The following ZC4H2 variants were observed in gnomAD, a reference collection of about 807,000 sequenced individuals.
The protein encoded by ZC4H2 is zinc finger C4H2 domain-containing protein.
For synonymous variants in ZC4H2, 84 were observed against 66.3 expected, an observed-to-expected ratio of 1.27 and a Z score of -1.30; for missense variants, 137 against 173.9, an observed-to-expected ratio of 0.79 and a Z score of 1.19.
chrX:64,926,260 G>T lies in ZC4H2; in HGVS notation c.54-4272C>A, dbSNP rs765976355. ...AAATATAAAAATAAAACCAACTAAA[G>T]TTGGTCTACTCTTTATTACCACCAT... On this transcript the variant is annotated intron_variant, in intron 1 of 4. Transcript: ENST00000374839. Among the ~76,000 whole-genome samples, 14 of 111,779 alleles carry T rather than the reference G, an allele frequency of 1.3e-4. No homozygotes were observed. The South Asian group carries it at 4.9e-3, about 39-fold the overall frequency.
chrX:64,977,319 G>T (rs1931979981), upstream of ZC4H2, among the ~76,000 whole-genome samples: 1 of 110,583 alleles, frequency 9.0e-6, no homozygotes, highest in Non-Finnish European at 1.9e-5. Flanking sequence ...AAGGATGAGT[G>T]GTTCAGAGTG....
intron 1 of ZC4H2, among the ~76,000 whole-genome samples, chrX:64,998,053 G>A (rs1932453482): frequency 8.9e-6 from 1 of 111,767 alleles, no homozygotes; most frequent in African/African-American, 3.3e-5. Context: ...GCACTGAGAA[G>A]GCAATAGAAA....
upstream of ZC4H2, among the ~76,000 whole-genome samples, chrX:64,979,802 A>T (rs1435622530): frequency 9.2e-6 from 1 of 108,490 alleles, no homozygotes; most frequent in East Asian, 2.8e-4. Flanking sequence ...GATTGATTTG[A>T]GGGGTTAGAA....
chrX:64,943,155 T>G (rs969595221), intron 1 of ZC4H2, among the ~76,000 whole-genome samples: 1 of 112,304 alleles, frequency 8.9e-6, no homozygotes, highest in African/African-American at 3.2e-5. Flanking sequence ...TGAATGAGTT[T>G]CTTAATCCTG....
chrX:65,034,336 C>A (rs1932979514), intron 1 of ZC4H2, among the ~76,000 whole-genome samples: 1 of 111,390 alleles, frequency 9.0e-6, no homozygotes. Context: ...GGGAGGTGAC[C>A]CTTAACCACC....
At chrX:64,918,932 T>A in intron 4 of ZC4H2, 110 bp downstream of exon 4, 1 of 999,429 alleles carries the variant, frequency 1.0e-6, no homozygotes, top group South Asian at 2.8e-5. Flanking sequence ...GCAAAGGCCA[T>A]TAAAAGAAGG....
chrX:64,955,554 T>G (rs1484688949), intron 1 of ZC4H2, among the ~76,000 whole-genome samples: 1 of 111,527 alleles, frequency 9.0e-6, no homozygotes, highest in Non-Finnish European at 1.9e-5. Context: ...CTCTTGGAAC[T>G]GTACACCCAG....
At chrX:64,935,777 A>G (rs1196328923) in intron 1 of ZC4H2, among the ~76,000 whole-genome samples, 2 of 110,642 alleles carry the variant, frequency 1.8e-5, no homozygotes, top group Admixed American at 9.6e-5. Context: ...GGAATAACAC[A>G]TCCACTCAGA....
At chrX:64,939,139 C>T (rs953746223) in intron 1 of ZC4H2, among the ~76,000 whole-genome samples, 1 of 111,588 alleles carries the variant, frequency 9.0e-6, no homozygotes, top group Non-Finnish European at 1.9e-5. Flanking sequence ...TCCTATACAC[C>T]AATAATAGAC....
chrX:64,944,560 G>T (rs1930444552), intron 1 of ZC4H2, among the ~76,000 whole-genome samples: 1 of 110,618 alleles, frequency 9.0e-6, no homozygotes, highest in East Asian at 2.8e-4. Context: ...TGTGTCTTAG[G>T]GTTGCTCTTC....
chrX:64,998,951 A>G (rs745485481), intron 1 of ZC4H2, among the ~76,000 whole-genome samples: 2 of 107,170 alleles, frequency 1.9e-5, no homozygotes, highest in Admixed American at 2.0e-4. Context: ...TTCATTTAAT[A>G]TGAATATTAT....
At chrX:65,025,145 C>CTTTT (rs1177199868) in intron 1 of ZC4H2, among the ~76,000 whole-genome samples, 10 of 73,689 alleles carry the variant, frequency 1.4e-4, no homozygotes, top group East Asian at 3.9e-4. Context: ...TTGTTTTTTG[C>CTTTT]TTTTTTTTTT....
intron 1 of ZC4H2, among the ~76,000 whole-genome samples, chrX:65,027,507 G>A (rs916790783): frequency 9.0e-6 from 1 of 111,532 alleles, no homozygotes; most frequent in Admixed American, 9.5e-5. Flanking sequence ...GAATGAATAT[G>A]AGAGATATTT....
intron 1 of ZC4H2, among the ~76,000 whole-genome samples, chrX:65,019,058 C>T (rs1009150133): frequency 8.9e-6 from 1 of 111,760 alleles, no homozygotes; most frequent in Admixed American, 9.4e-5. Flanking sequence ...GATAAAACCC[C>T]CATCTCACTG....
chrX:64,919,112 T>G lies in ZC4H2; in HGVS notation c.491A>C (p.Gln164Pro), dbSNP rs1235521437. ...SLAAAAAAAQ[Q>P]LQVARKQDTR... ...ATCCTGCTTCCTAGCCACTTGGAGC[T>G]GTTGGGCGGCAGCGGCTGCAGCGGC... Residue 164 changes from glutamine (Q) to proline (P), a missense_variant, in exon 4 of 5, where the codon CAG (glutamine) becomes CCG (proline). Transcript: ENST00000374839. 1 of 1,204,050 alleles carries G rather than the reference T, an allele frequency of 8.3e-7. No individual in the cohort carries two copies. Among genetic ancestry groups the G allele is most frequent in the Admixed American group, 2.2e-5 (1 of 45,510 alleles).
At chrX:65,012,362 G>T (rs955879084) in intron 1 of ZC4H2, among the ~76,000 whole-genome samples, 42 of 110,859 alleles carry the variant, frequency 3.8e-4, no homozygotes, top group African/African-American at 1.3e-3. Context: ...TTCATGCAAG[G>T]CACGTTTGGT....
chrX:64,952,222 A>G (rs1602412702), intron 1 of ZC4H2, among the ~76,000 whole-genome samples: 2 of 110,292 alleles, frequency 1.8e-5, no homozygotes, highest in East Asian at 5.7e-4. Context: ...TATAGTTTGA[A>G]GTCAGGTAGT....
At chrX:64,952,697 T>C (rs142422286) in intron 1 of ZC4H2, among the ~76,000 whole-genome samples, 9,058 of 110,103 alleles carry the variant, frequency 0.082, 1,025 homozygotes, top group African/African-American at 0.29. Context: ...GAACATTCCA[T>C]GCACATGGAT....
chrX:64,968,522 A>G (rs1602427342), intron 1 of ZC4H2, among the ~76,000 whole-genome samples: 1 of 111,550 alleles, frequency 9.0e-6, no homozygotes, highest in East Asian at 2.8e-4. Context: ...CCTTGCATGG[A>G]ATTGTTGGAT....
Sources: allele counts gnomAD v4.1 joint callset (sites outside exome capture counted in the v4.1 genomes callset), GRCh38; gene constraint gnomAD v4.1.1; transcripts MANE v1.5; gene names NCBI Gene and HGNC (gene_info 2026-07-23, HGNC 2026-07-21).